Variants in RTN4RL1 observed in about 807,000 individuals in gnomAD.
The protein encoded by RTN4RL1 is reticulon-4 receptor-like 1.
Under a neutral mutation model 25.6 loss-of-function variants are expected in RTN4RL1, and 7 were observed. The ratio of observed to expected loss-of-function variants is 0.27; its 90% confidence interval spans 0.16 to 0.51. The LOEUF (loss-of-function observed/expected upper bound fraction) is 0.51. Ranked by LOEUF, RTN4RL1 falls within the 20% of genes least tolerant of loss-of-function variation. The pLI, the probability that RTN4RL1 is intolerant of heterozygous loss-of-function variation, is 0.97. For missense variants in RTN4RL1, 500 were observed against 615.6 expected (o/e 0.81, Z 1.99); for synonymous variants, 297 against 288.2 (o/e 1.03, Z -0.31).
At chr17:1,939,267 A>G (rs143504204) in intron 1 of RTN4RL1, among the ~76,000 whole-genome samples, 2,673 of 151,382 alleles carry the variant, frequency 0.018, 39 homozygotes, top group Non-Finnish European at 0.027. Context: ...GCAGGAGAAT[A>G]GCGTGAACCC....
At chr17:1,949,102 G>A (rs965175338) in intron 1 of RTN4RL1, among the ~76,000 whole-genome samples, 1 of 151,946 alleles carries the variant, frequency 6.6e-6, no homozygotes, top group South Asian at 2.1e-4. Flanking sequence ...GACTACAGGC[G>A]CCTGCCACGA....
rs180862425 is a variant in RTN4RL1, at chr17:2,013,577, C to A, written c.13+11276G>T. 6.6e-5 allele frequency among the ~76,000 whole-genome samples: 10 copies of A among 151,230 alleles called. No homozygotes were observed. The East Asian group carries it at 1.8e-3, about 27-fold the overall frequency. On this transcript the variant is annotated intron_variant, in intron 1 of 1. Coordinates refer to ENST00000331238, the MANE Select transcript of RTN4RL1 (RefSeq NM_178568.4). ...ATACCCCTGCTCCCTCACCCTGGAA[C>A]ATAAATACCCCAGCTCCCTCACCCT...
At chr17:1,976,251 CT>C (rs1239008311) in intron 1 of RTN4RL1, among the ~76,000 whole-genome samples, 2 of 152,208 alleles carry the variant, frequency 1.3e-5, no homozygotes, top group Non-Finnish European at 2.9e-5. Flanking sequence ...GGGCAGGGGG[CT>C]GGCCCCAGGG....
At position 1,937,835 on chromosome 17, in the gene RTN4RL1, G is replaced by A. The variant is rs758154667; in HGVS notation, c.14-27C>T. The A allele has an allele frequency of 7.8e-6, 12 of 1,529,892 alleles. No homozygotes were observed. In the Admixed American group the frequency reaches 1.6e-4, roughly 20 times the overall value. The allele number at this position is 1,529,892 out of a possible 1,614,324, so 94.8% of individuals were successfully genotyped here. A position where few individuals can be genotyped will look rare whatever the true frequency, so the allele number is the denominator to read the frequency against. On this transcript the variant is annotated intron_variant, in intron 1 of 1. Coordinates refer to ENST00000331238, the MANE Select transcript of RTN4RL1 (RefSeq NM_178568.4). Reference sequence around the variant, plus strand: ...TGGCAGGGAGAGAGAGCACAGCCAGGTCAGGGGCCGTGCAGGTGAGGACTG... The same window carrying A: ...TGGCAGGGAGAGAGAGCACAGCCAGATCAGGGGCCGTGCAGGTGAGGACTG...
In RTN4RL1 at chr17:1,954,560, G is replaced by T. The variant is rs1054228986; in HGVS notation, c.14-16752C>A. ...TCACCACCACGCCAAGCTAGTTTTT[G>T]TATTTTTAGTAGAGACGGGGTTTCA... On this transcript the variant is annotated intron_variant, in intron 1 of 1. Transcript: ENST00000331238. 5.9e-5 allele frequency among the ~76,000 whole-genome samples: 9 copies of T among 152,060 alleles called. No individual in the cohort carries two copies. The East Asian group carries it at 1.5e-3, about 26-fold the overall frequency.
In RTN4RL1 at chr17:1,935,460, C is replaced by CA; in HGVS notation, c.*1035dup. ...TAAATATCTAAGAATATTGGTCCCCCAAAGTGACTCTTGCTGCCTCCCCCT... is the reference window on the plus strand; with the variant it reads ...TAAATATCTAAGAATATTGGTCCCCCAAAAGTGACTCTTGCTGCCTCCCCCT... On this transcript the variant is annotated 3_prime_UTR_variant, in exon 2 of 2. Coordinates refer to ENST00000331238, the MANE Select transcript of RTN4RL1 (RefSeq NM_178568.4). 2.7e-6 allele frequency: 2 copies of CA among 735,290 alleles called. No homozygotes were observed. The highest frequency in any genetic ancestry group is 3.3e-6 in the Non-Finnish European group (2 of 601,250). The allele number at this position is 735,290 out of a possible 1,614,324, so 45.5% of individuals were successfully genotyped here. A position where few individuals can be genotyped will look rare whatever the true frequency, so the allele number is the denominator to read the frequency against.
In RTN4RL1 at chr17:1,936,968, G is replaced by A. The variant is rs779372066; in HGVS notation, c.854C>T (p.Pro285Leu). Residue 285 changes from proline to leucine, a missense_variant, in exon 2 of 2, where the codon CCT (proline) becomes CTT (leucine). This residue lies in a region of RTN4RL1 where 268 missense variants were observed against 274.5 expected (regional missense o/e 0.98). Transcript: ENST00000331238. ...CAGGTCCTGGCCGTGCCGCAGCCCA[G>A]GGGACACACAGGGGACAGCGGAGCT... ...GSSSAVPCVS[P>L]GLRHGQDLKL... The A allele has an allele frequency of 1.4e-5, 23 of 1,607,744 alleles. No individual in the cohort carries two copies. The African/African-American group carries it at 2.4e-4, about 17-fold the overall frequency.
rs1915265523 is a variant in RTN4RL1 at position 1,934,994 on chromosome 17, G to C, written c.*1502C>G. On this transcript the variant is annotated 3_prime_UTR_variant, in exon 2 of 2. Transcript: ENST00000331238. The surrounding 1 kb of genome is among the most constrained non-coding windows in gnomAD (Gnocchi z 4.0). ...CCGTGATGCAGAAGTGCCTGAGATGGTTCATGAAATGCCCTCATTGTTCCC... is the reference window on the plus strand; with the variant it reads ...CCGTGATGCAGAAGTGCCTGAGATGCTTCATGAAATGCCCTCATTGTTCCC... 1 of 152,070 alleles carries C rather than the reference G, an allele frequency of 6.6e-6. No individual in the cohort carries two copies. Among genetic ancestry groups the C allele is most frequent in the Non-Finnish European group, 1.5e-5 (1 of 68,084 alleles). The allele number at this position is 152,070 out of a possible 1,614,324, so 9.4% of individuals were successfully genotyped here. A position where few individuals can be genotyped will look rare whatever the true frequency, so the allele number is the denominator to read the frequency against.
chr17:2,007,078 A>C (rs1296509596), intron 1 of RTN4RL1, among the ~76,000 whole-genome samples: 1 of 152,132 alleles, frequency 6.6e-6, no homozygotes, highest in Non-Finnish European at 1.5e-5. Context: ...AAGCTGCTGC[A>C]GCTCTCTGAG....
intron 1 of RTN4RL1, among the ~76,000 whole-genome samples, chr17:1,995,123 G>T (rs1415145340): frequency 1.3e-5 from 2 of 152,066 alleles, no homozygotes; most frequent in African/African-American, 4.8e-5. Flanking sequence ...CACTGCAAAA[G>T]GTAGGCATGG....
chr17:2,005,071 T>G (rs2066984015), intron 1 of RTN4RL1, among the ~76,000 whole-genome samples: 1 of 152,196 alleles, frequency 6.6e-6, no homozygotes, highest in African/African-American at 2.4e-5. Flanking sequence ...AGTGGCACGA[T>G]CTTAGCTCAC....
intron 1 of RTN4RL1, among the ~76,000 whole-genome samples, chr17:1,997,980 C>G (rs2066937174): frequency 6.6e-6 from 1 of 152,164 alleles, no homozygotes; most frequent in African/African-American, 2.4e-5. Flanking sequence ...GCTCCTGGGT[C>G]TGGGGCCTGG....
intron 1 of RTN4RL1, among the ~76,000 whole-genome samples, chr17:1,939,289 C>G (rs950730352): frequency 1.3e-5 from 2 of 151,156 alleles, no homozygotes; most frequent in South Asian, 2.1e-4. Flanking sequence ...GGAGGTGGAG[C>G]TTGCAGTGAG....
chr17:2,024,599 C>T (rs575527623), intron 1 of RTN4RL1, among the ~76,000 whole-genome samples: 1 of 152,314 alleles, frequency 6.6e-6, no homozygotes, highest in South Asian at 2.1e-4. Flanking sequence ...TCACTCTGGT[C>T]TCCGACTGAC....
chr17:2,023,749 C>G (rs1050792324), intron 1 of RTN4RL1: 9 of 145,866 alleles, frequency 6.2e-5, no homozygotes, highest in African/African-American at 2.2e-4. Context: ...GGTCAGAATC[C>G]TGTGCTTACG....
chr17:1,959,753 C>T (rs141760493), intron 1 of RTN4RL1, among the ~76,000 whole-genome samples: 83 of 152,096 alleles, frequency 5.5e-4, no homozygotes, highest in African/African-American at 1.9e-3. Flanking sequence ...TTAGTAGAGA[C>T]GGGGTTTCGC....
Position 2,024,875 on chromosome 17 carries a change from G to C in RTN4RL1, c.-10C>G. On this transcript the variant is annotated 5_prime_UTR_variant, in exon 1 of 2. Transcript: ENST00000331238. ...CACCTTTGCGAAGCATGTTGGCCAC[G>C]GGGCCGCCGCTCCGAGGTCGGCCTA... The C allele has an allele frequency of 2.5e-6, 4 of 1,584,180 alleles. No homozygotes were observed. Among genetic ancestry groups the C allele is most frequent in the South Asian group, 1.2e-5 (1 of 86,754 alleles).
intron 1 of RTN4RL1, among the ~76,000 whole-genome samples, chr17:1,982,251 A>T (rs1373020770): frequency 6.6e-6 from 1 of 152,112 alleles, no homozygotes; most frequent in South Asian, 2.1e-4. Context: ...CAGTGAGCTG[A>T]GATCACGCCA....
chr17:1,937,048 G>A lies in RTN4RL1; in HGVS notation c.774C>T (p.Asp258=). The A allele has an allele frequency of 6.2e-7, 1 of 1,605,268 alleles. No homozygotes were observed. The highest frequency in any genetic ancestry group is 8.5e-7 in the Non-Finnish European group (1 of 1,177,788). The change falls in exon 2 of 2, where the codon GAC becomes GAT. Residue 258 remains aspartate, a synonymous_variant. Transcript: ENST00000331238. ...ACAGGGAGCGCGCGCGACAACCACA[G>A]TCCCAGGGGTTGCCGTTGAGGCGGA... ...EFLRLNGNPW[D]CGCRARSLWE...
Sources: allele counts gnomAD v4.1 joint callset (sites outside exome capture counted in the v4.1 genomes callset), GRCh38; gene constraint gnomAD v4.1.1; regional missense constraint gnomAD v4.1.1; non-coding constraint Gnocchi (gnomAD v3.1); transcripts MANE v1.5; gene names NCBI Gene and HGNC (gene_info 2026-07-23, HGNC 2026-07-21).